PARP16: variants seen among roughly 807,000 people sequenced by gnomAD.
PARP16 encodes poly(ADP-ribose) polymerase family member 16.
PARP16 carries 31 observed loss-of-function variants against 35.0 expected under a neutral mutation model. The observed-to-expected ratio is 0.88, with a 90% CI of 0.66 to 1.19. The LOEUF is 1.19. Among genes scored for constraint, PARP16 ranks in the 50% most tolerant of loss-of-function variants. The pLI is 0.00. For missense variants in PARP16, 424 were observed against 411.2 expected, an observed-to-expected ratio of 1.03 and a Z score of -0.27; for synonymous variants, 162 against 169.5, an observed-to-expected ratio of 0.96 and a Z score of 0.34.
intron 1 of PARP16, among the ~76,000 whole-genome samples, chr15:65,285,996 T>C (rs1225913785): frequency 1.3e-5 from 2 of 152,200 alleles, no homozygotes; most frequent in African/African-American, 4.8e-5. Flanking sequence ...TATTCCTCAC[T>C]TCAGTCCTCG....
chr15:65,269,323 C>G (rs1055046735), intron 2 of PARP16, among the ~76,000 whole-genome samples: 1 of 151,972 alleles, frequency 6.6e-6, no homozygotes, highest in Admixed American at 6.6e-5. Context: ...CAGCCTCCCA[C>G]GTAGCTGGGA....
Position 65,266,634 on chromosome 15 carries a change from A to T in PARP16, c.447T>A (p.Tyr149Ter). 6.2e-7 allele frequency: 1 copy of T among 1,614,136 alleles called. No individual in the cohort carries two copies. Residue 149 changes from tyrosine to a stop codon, truncating the protein, a stop_gained, in exon 3 of 6, where the codon TAT becomes TAA. Coordinates refer to ENST00000649807, the MANE Select transcript of PARP16 (RefSeq NM_001316943.2). LOFTEE classifies it high-confidence loss of function. ...YETKGERDLI[Y>*]AFHGSRLENF... Reference sequence around the variant, plus strand: ...TTTCTAGGCGGCTACCATGAAATGCATAGATTAGGTCTCGTTCTCCTTTGG... The same window carrying T: ...TTTCTAGGCGGCTACCATGAAATGCTTAGATTAGGTCTCGTTCTCCTTTGG...
At chr15:65,273,653 C>T (rs955366733) in intron 1 of PARP16, among the ~76,000 whole-genome samples, 12 of 151,894 alleles carry the variant, frequency 7.9e-5, no homozygotes, top group Non-Finnish European at 1.0e-4. Flanking sequence ...CTGGGGTGGG[C>T]GGATCACCTG....
chr15:65,268,689 C>T (rs1453086421), intron 2 of PARP16, among the ~76,000 whole-genome samples: 1 of 152,304 alleles, frequency 6.6e-6, no homozygotes, highest in Admixed American at 6.5e-5. Flanking sequence ...AGCAATCCTC[C>T]CACCTTGGCC....
At chr15:65,271,164 T>C in intron 1 of PARP16, 92 bp from the exon 2 acceptor site, 1 of 1,233,878 alleles carries the variant, frequency 8.1e-7, no homozygotes. Flanking sequence ...CGTTCACTTG[T>C]TGCACGTCTC....
At chr15:65,257,019 A>G (rs951818479), downstream of PARP16, among the ~76,000 whole-genome samples, 8 of 152,104 alleles carry the variant, frequency 5.3e-5, no homozygotes, top group Non-Finnish European at 1.2e-4. Context: ...CTGGCTGGAC[A>G]TAGCGGCTCA....
chr15:65,233,357 G>A (rs981351148), downstream of PARP16, among the ~76,000 whole-genome samples: 1 of 152,116 alleles, frequency 6.6e-6, no homozygotes, highest in Admixed American at 6.6e-5. Context: ...AGCCAAGATC[G>A]CGCCACTGCT....
At chr15:65,270,752 G>C (rs1268928299) in intron 2 of PARP16, among the ~76,000 whole-genome samples, 183 bp downstream of exon 2, 2 of 152,128 alleles carry the variant, frequency 1.3e-5, no homozygotes, top group South Asian at 2.1e-4. Context: ...ACAGCCAGTG[G>C]GAAAGCTCCT....
intron 1 of PARP16, among the ~76,000 whole-genome samples, chr15:65,276,694 C>T (rs559363763): frequency 1.7e-4 from 26 of 152,058 alleles, no homozygotes; most frequent in Non-Finnish European, 3.1e-4. Context: ...ATAAATAACC[C>T]ATGCAATATT....
intron 3 of PARP16, among the ~76,000 whole-genome samples, chr15:65,239,208 A>C (rs1321039811): frequency 3.3e-4 from 50 of 151,876 alleles, no homozygotes; most frequent in Non-Finnish European, 2.9e-5. Context: ...TGGGCGGATC[A>C]CGAGGTCAAG....
intron 2 of PARP16, among the ~76,000 whole-genome samples, chr15:65,251,601 AG>A (rs1442911200): frequency 2.5e-5 from 3 of 118,278 alleles, no homozygotes; most frequent in African/African-American, 7.9e-5. Flanking sequence ...TCTCTTTCCC[AG>A]GATCCCCAGC....
At chr15:65,255,361 TAGA>T (rs1478943821), downstream of PARP16, among the ~76,000 whole-genome samples, 1 of 152,084 alleles carries the variant, frequency 6.6e-6, no homozygotes, top group Non-Finnish European at 1.5e-5. Context: ...TAAGAAAAAT[TAGA>T]AGAAAAAATG....
chr15:65,259,845 G>C (rs1004329297), intron 5 of PARP16, among the ~76,000 whole-genome samples: 2 of 152,188 alleles, frequency 1.3e-5, no homozygotes, highest in Non-Finnish European at 2.9e-5. Context: ...CTATAACAAT[G>C]ACCTAGCTCA....
rs748176892 is a variant in PARP16, at chr15:65,241,217, T to G, written c.*98-6394A>C. 4.6e-5 allele frequency among the ~76,000 whole-genome samples: 7 copies of G among 151,842 alleles called. No homozygotes were observed. In the South Asian group the frequency reaches 1.2e-3, roughly 27 times the overall value. On this transcript the variant is annotated intron_variant and NMD_transcript_variant, in intron 3 of 3. Transcript: ENST00000559805. ...CAGTGGTGGCATGATCTCAGCTCAC[T>G]GCAACCTCTGCCTTCCAGGTTCAAG...
chr15:65,261,599 GTGCC>G (rs1299430937), intron 4 of PARP16, among the ~76,000 whole-genome samples: 3 of 151,742 alleles, frequency 2.0e-5, no homozygotes, highest in Non-Finnish European at 2.9e-5. Flanking sequence ...GGGATTACAG[GTGCC>G]TGCCACCATG....
At chr15:65,232,105 G>C (rs2088784530), downstream of PARP16, among the ~76,000 whole-genome samples, 1 of 152,108 alleles carries the variant, frequency 6.6e-6, no homozygotes, top group Admixed American at 6.6e-5. Flanking sequence ...AGAGGGCAAG[G>C]GGGATGGGCA....
chr15:65,262,690 T>C (rs1047865769), intron 4 of PARP16, among the ~76,000 whole-genome samples: 1 of 152,110 alleles, frequency 6.6e-6, no homozygotes, highest in East Asian at 1.9e-4. Context: ...CTTTGCTTCA[T>C]TTAGCAAATA....
chr15:65,234,158 TCCATGGGC>T (rs1200012934), downstream of PARP16, among the ~76,000 whole-genome samples: 1 of 152,148 alleles, frequency 6.6e-6, no homozygotes, highest in Non-Finnish European at 1.5e-5. Context: ...CCTGAAACTA[TCCATGGGC>T]CCAAGAATAA....
At chr15:65,271,268 T>C (rs891475596) in intron 1 of PARP16, among the ~76,000 whole-genome samples, 196 bp from the exon 2 acceptor site, 3 of 152,086 alleles carry the variant, frequency 2.0e-5, no homozygotes, top group African/African-American at 7.2e-5. Context: ...GGTTTTTTTT[T>C]TGGTGGGTTT....
Sources: allele counts gnomAD v4.1 joint callset (sites outside exome capture counted in the v4.1 genomes callset), GRCh38; gene constraint gnomAD v4.1.1; transcripts MANE v1.5; gene names NCBI Gene and HGNC (gene_info 2026-07-23, HGNC 2026-07-21).